INPP4B: variants seen among roughly 807,000 people sequenced by gnomAD.
The protein encoded by INPP4B is inositol polyphosphate-4-phosphatase type II B, also known as inositol polyphosphate 4-phosphatase type II.
Under a neutral mutation model 122.5 loss-of-function variants are expected in INPP4B, and 55 were observed. That is an observed-to-expected ratio of 0.45 (90% CI 0.36 to 0.56). The LOEUF is 0.56. Among genes scored for constraint, INPP4B ranks in the 20% least tolerant of loss-of-function variants. The pLI is 0.00. For synonymous variants in INPP4B, 403 were observed against 388.7 expected, an observed-to-expected ratio of 1.04 and a Z score of -0.43; for missense variants, 1,000 against 1,097.7, an observed-to-expected ratio of 0.91 and a Z score of 1.26.
At chr4:142,246,047 CACATTATATATATGT>C (rs1728429492) in intron 11 of INPP4B, among the ~76,000 whole-genome samples, 1 of 78,538 alleles carries the variant, frequency 1.3e-5, no homozygotes, top group African/African-American at 4.2e-5. Flanking sequence ...TGTGTATACA[CACATTATATATATGT>C]GTGTGTGTAT....
intron 18 of INPP4B, among the ~76,000 whole-genome samples, chr4:142,132,564 T>C (rs958334398): frequency 6.6e-6 from 1 of 152,166 alleles, no homozygotes; most frequent in South Asian, 2.1e-4. Context: ...CTCGCCCTCC[T>C]ACCAGCATTG....
intron 9 of INPP4B, among the ~76,000 whole-genome samples, chr4:142,287,782 A>G (rs1754466312): frequency 6.6e-6 from 1 of 152,250 alleles, no homozygotes; most frequent in Non-Finnish European, 1.5e-5. Flanking sequence ...CTATTAGAAT[A>G]TAATGCATCT....
intron 1 of INPP4B, among the ~76,000 whole-genome samples, chr4:142,842,882 AT>A (rs982097212): frequency 6.5e-5 from 9 of 139,220 alleles, no homozygotes; most frequent in Admixed American, 5.4e-4. Flanking sequence ...ATAAATATAT[AT>A]GATTATTATA....
chr4:142,790,325 G>A (rs897950674), intron 1 of INPP4B, among the ~76,000 whole-genome samples: 3 of 151,830 alleles, frequency 2.0e-5, no homozygotes, highest in African/African-American at 7.3e-5. Context: ...TCTGACAAAG[G>A]ACTGATATCC....
At chr4:142,621,610 A>G (rs1480529602) in intron 2 of INPP4B, among the ~76,000 whole-genome samples, 1 of 151,910 alleles carries the variant, frequency 6.6e-6, no homozygotes, top group Non-Finnish European at 1.5e-5. Flanking sequence ...CTCTCTTCTC[A>G]CTCTGAGAGA....
chr4:142,121,743 T>G (rs1191086001), intron 21 of INPP4B, among the ~76,000 whole-genome samples: 1 of 152,136 alleles, frequency 6.6e-6, no homozygotes, highest in Non-Finnish European at 1.5e-5. Flanking sequence ...TGCTTTTAAC[T>G]GAATTTAATT....
chr4:142,815,482 A>C (rs1261311897), intron 1 of INPP4B, among the ~76,000 whole-genome samples: 2 of 152,168 alleles, frequency 1.3e-5, no homozygotes, highest in African/African-American at 4.8e-5. Context: ...GTTTACTTTA[A>C]CTAAAGTTAT....
Position 142,108,105 on chromosome 4 carries a change from T to A in INPP4B, c.2362A>T (p.Met788Leu), listed in dbSNP as rs1340143035. The change falls in exon 23 of 26, where the codon ATG (methionine) becomes TTG (leucine). Residue 788 changes from methionine to leucine, a missense_variant. Coordinates refer to ENST00000262992, the MANE Select transcript of INPP4B (RefSeq NM_001101669.3). ...CTCACATACTTACAATCAGGAGGCA[T>A]CTTTTCCATAAATATCTTGTAATAT... ...QEYYKIFMEK[M>L]PPDYISHFQE... The A allele has an allele frequency of 6.6e-7, 1 of 1,523,040 alleles. No individual in the cohort carries two copies. Among genetic ancestry groups the A allele is most frequent in the East Asian group, 2.3e-5 (1 of 44,324 alleles). The allele number at this position is 1,523,040 out of a possible 1,614,324, so 94.3% of individuals were successfully genotyped here.
At chr4:142,390,739 T>C (rs1029435789) in intron 7 of INPP4B, among the ~76,000 whole-genome samples, 1 of 152,226 alleles carries the variant, frequency 6.6e-6, no homozygotes, top group Non-Finnish European at 1.5e-5. Context: ...ATAATTATAG[T>C]TACTATGTTA....
chr4:142,220,469 C>T (rs62328252), intron 12 of INPP4B, among the ~76,000 whole-genome samples: 2 of 152,208 alleles, frequency 1.3e-5, no homozygotes, highest in African/African-American at 4.8e-5. Context: ...CTATTCTGAA[C>T]ACTTCACAAA....
At chr4:142,069,194 A>C (rs1765470526) in intron 25 of INPP4B, among the ~76,000 whole-genome samples, 2 of 152,194 alleles carry the variant, frequency 1.3e-5, no homozygotes, top group Non-Finnish European at 2.9e-5. Flanking sequence ...AAAACCGCTC[A>C]ACTACATGGA....
intron 8 of INPP4B, among the ~76,000 whole-genome samples, chr4:142,311,409 T>C (rs1765464435): frequency 6.6e-6 from 1 of 152,200 alleles, no homozygotes; most frequent in South Asian, 2.1e-4. Flanking sequence ...TCTACTGTAT[T>C]ATTACAGTAA....
chr4:142,761,021 T>C (rs1771256575), intron 1 of INPP4B, among the ~76,000 whole-genome samples: 1 of 152,154 alleles, frequency 6.6e-6, no homozygotes, highest in African/African-American at 2.4e-5. Context: ...TTATTTCTTA[T>C]TTATTTGTAT....
chr4:142,559,462 G>T (rs1729969779), intron 2 of INPP4B, among the ~76,000 whole-genome samples: 1 of 151,986 alleles, frequency 6.6e-6, no homozygotes, highest in African/African-American at 2.4e-5. Context: ...AAAAATGAGA[G>T]GCAAAATGGG....
chr4:142,585,877 T>TTATTATTAC (rs1553963718), intron 2 of INPP4B, among the ~76,000 whole-genome samples: 2 of 150,598 alleles, frequency 1.3e-5, no homozygotes, highest in African/African-American at 4.9e-5. Flanking sequence ...ATTATTATTA[T>TTATTATTAC]ACTTTAAGTT....
intron 25 of INPP4B, among the ~76,000 whole-genome samples, chr4:142,074,925 GAC>G (rs1344924036): frequency 2.6e-5 from 4 of 151,924 alleles, no homozygotes; most frequent in Non-Finnish European, 5.9e-5. Flanking sequence ...GCATCCTTAA[GAC>G]ACAGTTCAGA....
intron 2 of INPP4B, among the ~76,000 whole-genome samples, chr4:142,482,727 T>C (rs1820715149): frequency 6.6e-6 from 1 of 152,112 alleles, no homozygotes; most frequent in Non-Finnish European, 1.5e-5. Context: ...GTACTGAGAT[T>C]AAAGCCTTTC....
At chr4:142,209,630 T>C (rs1441417706) in intron 12 of INPP4B, among the ~76,000 whole-genome samples, 2 of 151,498 alleles carry the variant, frequency 1.3e-5, no homozygotes, top group African/African-American at 4.8e-5. Flanking sequence ...CCATCTCTAC[T>C]AAAAATACAA....
intron 7 of INPP4B, among the ~76,000 whole-genome samples, chr4:142,329,048 T>A (rs1269078713): frequency 6.6e-6 from 1 of 152,232 alleles, no homozygotes; most frequent in Non-Finnish European, 1.5e-5. Context: ...CATGCGCTGA[T>A]CTGTCCTTTT....
Sources: gnomAD v4.1 joint callset for allele counts (sites outside exome capture counted in the v4.1 genomes callset) on GRCh38, gnomAD v4.1.1 for gene constraint, MANE v1.5 for transcripts, NCBI Gene and HGNC (gene_info 2026-07-23, HGNC 2026-07-21) for gene names.